The following PABPC4L variants were observed in gnomAD, a reference collection of about 807,000 sequenced individuals.
PABPC4L encodes the protein poly(A) binding protein cytoplasmic 4 like.
For synonymous variants in PABPC4L, 169 were observed against 164.1 expected, an observed-to-expected ratio of 1.03 and a Z score of -0.23; for missense variants, 452 against 451.4, an observed-to-expected ratio of 1.00 and a Z score of -0.01.
the PABPC4L span, among the ~76,000 whole-genome samples, chr4:133,968,435 A>G: frequency 2.0e-5 from 3 of 152,170 alleles, no homozygotes; most frequent in South Asian, 2.1e-4. Context: ...TGGAGTACAG[A>G]ACAGAGAATC....
At chr4:133,949,747 G>A in the PABPC4L span, among the ~76,000 whole-genome samples, 1 of 152,136 alleles carries the variant, frequency 6.6e-6, no homozygotes, top group African/African-American at 2.4e-5. Context: ...TTGCCAGGCT[G>A]GAAGTAGTGG....
chr4:133,957,935 G>A, the PABPC4L span, among the ~76,000 whole-genome samples: 21 of 152,250 alleles, frequency 1.4e-4, no homozygotes, highest in South Asian at 4.3e-3. Context: ...GCCCAGCCTA[G>A]GAAACCATTT....
At chr4:134,000,952 C>T in the PABPC4L span, among the ~76,000 whole-genome samples, 3 of 152,038 alleles carry the variant, frequency 2.0e-5, no homozygotes, top group Non-Finnish European at 1.5e-5. Context: ...TCCATAATCT[C>T]AGGAGGCAAC....
At chr4:133,978,414 C>A in the PABPC4L span, among the ~76,000 whole-genome samples, 5 of 152,066 alleles carry the variant, frequency 3.3e-5, no homozygotes, top group African/African-American at 4.8e-5. Context: ...TCAAGACCAG[C>A]CTAAGCAGCA....
chr4:133,965,551 A>G, the PABPC4L span, among the ~76,000 whole-genome samples: 2 of 152,138 alleles, frequency 1.3e-5, no homozygotes, highest in African/African-American at 4.8e-5. Flanking sequence ...GCATCATACT[A>G]TCTTATTTCA....
At chr4:134,188,597 T>C in the PABPC4L span, among the ~76,000 whole-genome samples, 2 of 152,208 alleles carry the variant, frequency 1.3e-5, no homozygotes, top group Admixed American at 1.3e-4. Flanking sequence ...GAGAAGTTGT[T>C]GTTTGTTGGT....
the PABPC4L span, among the ~76,000 whole-genome samples, chr4:133,989,881 A>G: frequency 6.6e-6 from 1 of 152,184 alleles, no homozygotes; most frequent in African/African-American, 2.4e-5. Context: ...GGAAGCTTAC[A>G]ATCATGGCAG....
the PABPC4L span, among the ~76,000 whole-genome samples, chr4:134,148,647 T>A: frequency 3.3e-5 from 5 of 152,098 alleles, no homozygotes; most frequent in African/African-American, 1.2e-4. Context: ...TTTGATTTAA[T>A]GGAAGCACTG....
chr4:134,165,993 G>A, the PABPC4L span, among the ~76,000 whole-genome samples: 1 of 152,170 alleles, frequency 6.6e-6, no homozygotes, highest in Admixed American at 6.5e-5. Context: ...GGATGGAGGT[G>A]AAGGTCATTA....
At chr4:134,094,240 T>C in the PABPC4L span, among the ~76,000 whole-genome samples, 2 of 151,914 alleles carry the variant, frequency 1.3e-5, no homozygotes, top group Admixed American at 1.3e-4. Context: ...ATTTTTTCCA[T>C]ATTTTTATTG....
At chr4:134,068,069 A>T in the PABPC4L span, among the ~76,000 whole-genome samples, 1 of 152,204 alleles carries the variant, frequency 6.6e-6, no homozygotes, top group East Asian at 1.9e-4. Context: ...GGTCGTGAAT[A>T]TGTTTGTTAA....
the PABPC4L span, among the ~76,000 whole-genome samples, chr4:134,133,717 G>C: frequency 2.0e-5 from 3 of 151,900 alleles, no homozygotes; most frequent in African/African-American, 7.2e-5. Context: ...AGGGACAAAA[G>C]ACTATACACT....
At chr4:134,174,658 A>G in the PABPC4L span, among the ~76,000 whole-genome samples, 153 of 152,260 alleles carry the variant, frequency 1.0e-3, 1 homozygote, top group African/African-American at 3.3e-3. Flanking sequence ...GTGTGCATGC[A>G]TGTGTGTATA....
the PABPC4L span, among the ~76,000 whole-genome samples, chr4:134,079,883 A>G: frequency 3.3e-5 from 5 of 152,032 alleles, no homozygotes; most frequent in African/African-American, 4.8e-5. Context: ...TATGACAGTG[A>G]CAGGTCTTCA....
At chr4:134,165,741 A>T in the PABPC4L span, among the ~76,000 whole-genome samples, 2 of 152,168 alleles carry the variant, frequency 1.3e-5, no homozygotes, top group Non-Finnish European at 2.9e-5. Context: ...TTCCAAAATA[A>T]CTCAGAGTAG....
chr4:134,189,844 T>C, the PABPC4L span, among the ~76,000 whole-genome samples: 1 of 152,110 alleles, frequency 6.6e-6, no homozygotes, highest in Non-Finnish European at 1.5e-5. Context: ...TCCCCTGATT[T>C]GGTCAAGGTC....
At chr4:134,147,743 G>GTA in the PABPC4L span, among the ~76,000 whole-genome samples, 98 of 91,898 alleles carry the variant, frequency 1.1e-3, no homozygotes, top group African/African-American at 5.8e-3. Flanking sequence ...GTGTGTGTGT[G>GTA]TGTGTGTGTT....
At chr4:133,989,619 G>C in the PABPC4L span, among the ~76,000 whole-genome samples, 2 of 152,160 alleles carry the variant, frequency 1.3e-5, no homozygotes, top group South Asian at 4.1e-4. Context: ...CAAGTCTTTA[G>C]GAAGTTTTGA....
At chr4:134,025,418 T>G in the PABPC4L span, among the ~76,000 whole-genome samples, 1 of 151,140 alleles carries the variant, frequency 6.6e-6, no homozygotes, top group East Asian at 2.0e-4. Flanking sequence ...GAAAATTTAC[T>G]CCAAGAAGGG....
Sources: gnomAD v4.1 joint callset for allele counts (sites outside exome capture counted in the v4.1 genomes callset) on GRCh38, gnomAD v4.1.1 for gene constraint, MANE v1.5 for transcripts, NCBI Gene and HGNC (gene_info 2026-07-23, HGNC 2026-07-21) for gene names.